VPS54: variants seen among roughly 807,000 people sequenced by gnomAD.
VPS54 encodes the protein vacuolar protein sorting-associated protein 54.
A neutral mutation model predicts 121.5 loss-of-function variants in VPS54; 45 were observed. That is an observed-to-expected ratio of 0.37 (90% CI 0.29 to 0.47). The LOEUF (loss-of-function observed/expected upper bound fraction) is 0.47. Among genes scored for constraint, VPS54 ranks in the 20% least tolerant of loss-of-function variants. The pLI is 0.99. For missense variants in VPS54, 1,090 were observed against 1,131.4 expected (o/e 0.96, Z 0.52); for synonymous variants, 371 against 385.8 (o/e 0.96, Z 0.45).
intron 1 of VPS54, among the ~76,000 whole-genome samples, chr2:64,007,833 G>A (rs1026438045): frequency 2.6e-5 from 4 of 152,124 alleles, no homozygotes; most frequent in South Asian, 4.1e-4. Context: ...AGTAAAGTGC[G>A]AACAGTAAGT....
intron 5 of VPS54, 71 bp downstream of exon 5, chr2:63,968,886 A>T: frequency 7.3e-7 from 1 of 1,363,696 alleles, no homozygotes; most frequent in Admixed American, 2.1e-5. Flanking sequence ...AAGCCAAATG[A>T]AATCTGCTTG....
chr2:63,935,020 C>A (rs1197465659), intron 11 of VPS54, among the ~76,000 whole-genome samples: 2 of 152,088 alleles, frequency 1.3e-5, no homozygotes, highest in African/African-American at 4.8e-5. Flanking sequence ...CTTCGGGTCT[C>A]CAAAATCAAC....
At chr2:63,939,045 C>A (rs1295307910) in intron 11 of VPS54, among the ~76,000 whole-genome samples, 1 of 152,094 alleles carries the variant, frequency 6.6e-6, no homozygotes, top group African/African-American at 2.4e-5. Context: ...TTTATCCATT[C>A]AAAATAAAAA....
At chr2:63,909,423 T>G (rs1192058543) in intron 20 of VPS54, among the ~76,000 whole-genome samples, 43 of 135,896 alleles carry the variant, frequency 3.2e-4, no homozygotes, top group African/African-American at 1.2e-3. Flanking sequence ...CTTTTTTTTT[T>G]TTTTTTTTTT....
chr2:63,913,942 C>T, intron 17 of VPS54: 7 of 1,296,606 alleles, frequency 5.4e-6, no homozygotes, highest in Middle Eastern at 2.9e-4. Flanking sequence ...AACAAATCAT[C>T]TCCTGTCTCC....
At chr2:63,922,656 G>C (rs912722736) in intron 12 of VPS54, among the ~76,000 whole-genome samples, 1 of 152,178 alleles carries the variant, frequency 6.6e-6, no homozygotes, top group African/African-American at 2.4e-5. Flanking sequence ...AGTAGAACTA[G>C]AACCTAGACT....
intron 7 of VPS54, among the ~76,000 whole-genome samples, chr2:63,958,684 C>G (rs993319293): frequency 6.6e-6 from 1 of 152,092 alleles, no homozygotes; most frequent in Non-Finnish European, 1.5e-5. Context: ...CCATTGCACT[C>G]CAGCCTGGGT....
chr2:63,937,880 C>T (rs1256831972), intron 11 of VPS54, among the ~76,000 whole-genome samples: 2 of 152,048 alleles, frequency 1.3e-5, no homozygotes, highest in African/African-American at 2.4e-5. Context: ...GGACATTAAG[C>T]TACATTAAAT....
chr2:63,943,276 AT>A (rs778783396), intron 10 of VPS54, among the ~76,000 whole-genome samples: 10 of 152,200 alleles, frequency 6.6e-5, no homozygotes, highest in Non-Finnish European at 1.3e-4. Context: ...TAGTACCAAA[AT>A]GACTTATTAC....
At chr2:63,929,832 T>C (rs1273987787) in intron 12 of VPS54, among the ~76,000 whole-genome samples, 1 of 151,796 alleles carries the variant, frequency 6.6e-6, no homozygotes, top group Non-Finnish European at 1.5e-5. Context: ...AAAGGGGATA[T>C]CACCACCAAC....
intron 7 of VPS54, among the ~76,000 whole-genome samples, chr2:63,959,155 T>C (rs1403226652): frequency 6.6e-6 from 1 of 152,180 alleles, no homozygotes; most frequent in African/African-American, 2.4e-5. Flanking sequence ...TGTGAAACTA[T>C]ATAAGAAAGT....
chr2:63,990,413 C>G (rs1320950771), intron 1 of VPS54, among the ~76,000 whole-genome samples: 1 of 152,112 alleles, frequency 6.6e-6, no homozygotes, highest in Non-Finnish European at 1.5e-5. Context: ...GACCAAACTA[C>G]AATTTACCTA....
rs776117412 is a variant in VPS54 at position 63,972,224 on chromosome 2, T to C, written c.399A>G (p.Arg133=). 2.5e-6 allele frequency: 4 copies of C among 1,594,332 alleles called. No individual in the cohort carries two copies. Among genetic ancestry groups the C allele is most frequent in the Non-Finnish European group, 3.4e-6 (4 of 1,166,538 alleles). The part of the protein sequence containing the change: ...EISQREKIHE[R]CKNICPPKDT... ...CTTTAGGAGGACAAATATTCTTGCA[T>C]CTCTCATGAATCTTCTCTCTCTAAT... Residue 133 remains arginine, a synonymous_variant, in exon 4 of 23, where the codon AGA becomes AGG. Coordinates refer to ENST00000272322, the MANE Select transcript of VPS54 (RefSeq NM_016516.3).
chr2:63,916,541 T>G (rs1200460151), intron 16 of VPS54, among the ~76,000 whole-genome samples: 1 of 152,108 alleles, frequency 6.6e-6, no homozygotes, highest in East Asian at 1.9e-4. Flanking sequence ...CTTAAACTAT[T>G]ATGCTATAAT....
At chr2:63,900,786 C>CA (rs1316556702) in intron 20 of VPS54, among the ~76,000 whole-genome samples, 1 of 152,026 alleles carries the variant, frequency 6.6e-6, no homozygotes, top group Non-Finnish European at 1.5e-5. Flanking sequence ...TTTTTTGAGA[C>CA]AGAGTCTCAC....
intron 12 of VPS54, among the ~76,000 whole-genome samples, chr2:63,933,350 A>T (rs971878798): frequency 6.6e-6 from 1 of 152,170 alleles, no homozygotes; most frequent in African/African-American, 2.4e-5. Flanking sequence ...GGGTTCCAGT[A>T]TATGTTCTGC....
rs1174931536 is a variant in VPS54 at position 63,976,825 on chromosome 2, C to CTTTTTTTTTT, written c.379-4591_379-4582dup. Among the ~76,000 whole-genome samples the CTTTTTTTTTT allele has an allele frequency of 2.4e-3, 218 of 89,668 alleles. 6 individuals carry two copies. Among genetic ancestry groups the CTTTTTTTTTT allele is most frequent in the African/African-American group, 8.6e-3 (207 of 24,170 alleles). The allele number at this position is 89,668 out of a possible 152,430, so 58.8% of individuals were successfully genotyped here. A position where few individuals can be genotyped will look rare whatever the true frequency, so the allele number is the denominator to read the frequency against. ...TTGATACTAGTAGCTTATATCTTCTCTTTTTTTTTTTTTTTTTTTTTGAGA... is the reference window on the plus strand; with the variant it reads ...TTGATACTAGTAGCTTATATCTTCTCTTTTTTTTTTTTTTTTTTTTTTTTTTTTTTTGAGA... On this transcript the variant is annotated intron_variant, in intron 3 of 22. Coordinates refer to ENST00000272322, the MANE Select transcript of VPS54 (RefSeq NM_016516.3).
chr2:63,934,000 A>G lies in VPS54; in HGVS notation c.1412T>C (p.Ile471Thr), dbSNP rs756218955. The G allele has an allele frequency of 6.8e-6, 11 of 1,611,676 alleles. No homozygotes were observed. In the South Asian group the frequency reaches 1.2e-4, roughly 18 times the overall value. Residue 471 changes from isoleucine (I) to threonine (T), a missense_variant, in exon 12 of 23, where the codon ATC (isoleucine) becomes ACC (threonine). Transcript: ENST00000272322. ...AACTGAGAGAACAACACTGTGAATG[A>G]TATTTAATGTTGCCTACAAGAAAAT... is the stretch of plus-strand genomic sequence containing the variant. Reference protein sequence around the residue: ...FLQRVKATLNIIHSVVLSVLD... With the variant: ...FLQRVKATLNTIHSVVLSVLD...
chr2:63,979,935 A>C (rs903946503), intron 3 of VPS54, among the ~76,000 whole-genome samples: 6 of 152,232 alleles, frequency 3.9e-5, no homozygotes, highest in Non-Finnish European at 7.4e-5. Context: ...AACACTTGAA[A>C]AAAAAGTATA....
Sources: allele counts gnomAD v4.1 joint callset (sites outside exome capture counted in the v4.1 genomes callset), GRCh38; gene constraint gnomAD v4.1.1; transcripts MANE v1.5; gene names NCBI Gene and HGNC (gene_info 2026-07-23, HGNC 2026-07-21).